The following SLC15A4 variants were observed in gnomAD, a reference collection of about 807,000 sequenced individuals.
SLC15A4 encodes solute carrier family 15 member 4.
SLC15A4 carries 26 observed loss-of-function variants against 46.1 expected under a neutral mutation model. The observed-to-expected ratio is 0.56, with a 90% CI of 0.41 to 0.78. The LOEUF (loss-of-function observed/expected upper bound fraction) is 0.78. Among genes scored for constraint, SLC15A4 ranks in the 30% least tolerant of loss-of-function variants. SLC15A4 has a pLI of 0.00. For missense variants in SLC15A4, 751 were observed against 755.7 expected (o/e 0.99, Z 0.07); for synonymous variants, 370 against 333.4 (o/e 1.11, Z -1.20).
intron 5 of SLC15A4, among the ~76,000 whole-genome samples, chr12:128,807,185 G>A (rs1955599814): frequency 6.6e-6 from 1 of 152,094 alleles, no homozygotes; most frequent in Non-Finnish European, 1.5e-5. Context: ...ACAGGTGTGA[G>A]CCACCGTGCC....
intron 2 of SLC15A4, among the ~76,000 whole-genome samples, chr12:128,810,616 G>A (rs1955644654): frequency 6.6e-6 from 1 of 152,124 alleles, no homozygotes; most frequent in South Asian, 2.1e-4. Flanking sequence ...TTTAAACTGA[G>A]TCACTGGCAG....
rs534797821 is a variant in SLC15A4, at chr12:128,803,421, T to C, written c.1259-2412A>G. Among the ~76,000 whole-genome samples, 343 of 152,212 alleles carry C rather than the reference T, an allele frequency of 2.3e-3. 1 individual carries two copies. Among genetic ancestry groups the C allele is most frequent in the Admixed American group, 4.6e-3 (70 of 15,282 alleles). ...TGTTGATGGATTCACAGACAGCACC[T>C]CATTTATTATTCACAGTAAGCTGGG... On this transcript the variant is annotated intron_variant, in intron 5 of 7. Coordinates refer to ENST00000266771, the MANE Select transcript of SLC15A4 (RefSeq NM_145648.4).
intron 1 of SLC15A4, among the ~76,000 whole-genome samples, chr12:128,817,641 T>C (rs1352482186): frequency 2.0e-5 from 3 of 152,240 alleles, no homozygotes; most frequent in African/African-American, 7.2e-5. Context: ...AATATCAGCA[T>C]TTGATTACTC....
At chr12:128,794,686 G>T (rs1014281921) in intron 7 of SLC15A4, among the ~76,000 whole-genome samples, 16 of 152,298 alleles carry the variant, frequency 1.1e-4, no homozygotes, top group African/African-American at 3.8e-4. Context: ...CAGTACTCAG[G>T]AAAATCCCTG....
At position 128,800,958 on chromosome 12, in the gene SLC15A4, T is replaced by C. The variant is rs145999614; in HGVS notation, c.1310A>G (p.Gln437Arg). The change falls in exon 6 of 8, where the codon CAG becomes CGG. Residue 437 changes from glutamine (Q) to arginine (R), a missense_variant. Coordinates refer to ENST00000266771, the MANE Select transcript of SLC15A4 (RefSeq NM_145648.4). ...ATGGTAGACGACGTTGCCGATGGTCTGATTAATGGTTTTCTCTTTAACAAG... is the reference window on the plus strand; with the variant it reads ...ATGGTAGACGACGTTGCCGATGGTCCGATTAATGGTTTTCTCTTTAACAAG... ...LNLVKEKTINQTIGNVVYHAA... is the reference protein window; with the variant it reads ...LNLVKEKTINRTIGNVVYHAA... 5.6e-6 allele frequency: 9 copies of C among 1,613,940 alleles called. No individual in the cohort carries two copies. The highest frequency in any genetic ancestry group is 7.6e-6 in the Non-Finnish European group (9 of 1,180,016).
intron 1 of SLC15A4, among the ~76,000 whole-genome samples, chr12:128,821,090 C>T (rs988207789): frequency 6.6e-6 from 1 of 152,216 alleles, no homozygotes; most frequent in Non-Finnish European, 1.5e-5. Flanking sequence ...CTCAGCAGTG[C>T]AGATGCTGGC....
At position 128,796,458 on chromosome 12, in the gene SLC15A4, A is replaced by AAAAAAAAAAC. The variant is rs1176888407; in HGVS notation, c.1574-2103_1574-2102insGTTTTTTTTT. ...AAAAAAAAAAAAAAAAAAAAAAAAA[A>AAAAAAAAAAC]CCCACACATCTGTATGGTGAGATCT... On this transcript the variant is annotated intron_variant, in intron 7 of 7. Transcript: ENST00000266771. 5.8e-5 allele frequency among the ~76,000 whole-genome samples: 2 copies of AAAAAAAAAAC among 34,664 alleles called. 1 individual carries two copies. Among genetic ancestry groups the AAAAAAAAAAC allele is most frequent in the Admixed American group, 4.9e-4 (2 of 4,096 alleles). 22.7% of individuals were successfully genotyped at this position (34,664 alleles called of 152,430 possible).
chr12:128,816,697 T>C (rs1381032502), intron 1 of SLC15A4, among the ~76,000 whole-genome samples: 1 of 151,918 alleles, frequency 6.6e-6, no homozygotes, highest in Non-Finnish European at 1.5e-5. Context: ...CCAGGTGCGG[T>C]GGTGTGCGCC....
chr12:128,799,422 G>C lies in SLC15A4; in HGVS notation c.1415-5C>G. ...CTGAGTATGCAAATTCCAGGCCTGA[G>C]GAAAGAAAAGGGAGGGTCGTTTTTG... On this transcript the variant is annotated splice_polypyrimidine_tract_variant and splice_region_variant and intron_variant, in intron 6 of 7. Coordinates refer to ENST00000266771, the MANE Select transcript of SLC15A4 (RefSeq NM_145648.4). The C allele has an allele frequency of 1.2e-6, 2 of 1,613,946 alleles. No homozygotes were observed. Among genetic ancestry groups the C allele is most frequent in the South Asian group, 2.2e-5 (2 of 91,060 alleles).
At position 128,823,935 on chromosome 12, in the gene SLC15A4, G is replaced by T; in HGVS notation, c.9C>A (p.Gly3=). ...CCCGCTCGCCCGCACCGCCCCCAGAGCCCTCCATGCGACGCCGCCAGCTGC... is the reference window on the plus strand; with the variant it reads ...CCCGCTCGCCCGCACCGCCCCCAGATCCCTCCATGCGACGCCGCCAGCTGC... ME[G]SGGGAGERAP... The change falls in exon 1 of 8, where the codon GGC becomes GGA. Residue 3 remains glycine, a synonymous_variant. Transcript: ENST00000266771. The T allele has an allele frequency of 1.6e-6, 1 of 610,614 alleles. No homozygotes were observed. Among genetic ancestry groups the T allele is most frequent in the Non-Finnish European group, 2.0e-6 (1 of 489,456 alleles). The allele number at this position is 610,614 out of a possible 1,614,324, so 37.8% of individuals were successfully genotyped here.
chr12:128,800,996 A>G lies in SLC15A4; in HGVS notation c.1272T>C (p.Ser424=). 1 of 1,604,410 alleles carries G rather than the reference A, an allele frequency of 6.2e-7. No individual in the cohort carries two copies. The highest frequency in any genetic ancestry group is 8.5e-7 in the Non-Finnish European group (1 of 1,176,426). ...TCTCTTTAACAAGGTTCAGCCTTTTACTCTCCAAAATTCCTAGAATTCAAA... is the reference window on the plus strand; with the variant it reads ...TCTCTTTAACAAGGTTCAGCCTTTTGCTCTCCAAAATTCCTAGAATTCAAA... ...CSAFAAGILE[S]KRLNLVKEKT... The change falls in exon 6 of 8, where the codon AGT becomes AGC. Residue 424 remains serine, a synonymous_variant. Transcript: ENST00000266771.
intron 6 of SLC15A4, among the ~76,000 whole-genome samples, chr12:128,800,357 T>G (rs1432793599): frequency 1.3e-5 from 2 of 152,216 alleles, no homozygotes; most frequent in African/African-American, 4.8e-5. Context: ...ATCACTCATC[T>G]TCTCTTCTCT....
intron 5 of SLC15A4, among the ~76,000 whole-genome samples, chr12:128,807,858 C>A (rs1955608737): frequency 6.6e-6 from 1 of 152,218 alleles, no homozygotes; most frequent in South Asian, 2.1e-4. Context: ...ACAGAGATTT[C>A]TTAAGCCCAG....
chr12:128,823,644 C>A lies in SLC15A4; in HGVS notation c.300G>T (p.Leu100=). 1 of 1,488,520 alleles carries A rather than the reference C, an allele frequency of 6.7e-7. No individual in the cohort carries two copies. The highest frequency in any genetic ancestry group is 2.2e-5 in the Admixed American group (1 of 45,758). The allele number at this position is 1,488,520 out of a possible 1,614,324, so 92.2% of individuals were successfully genotyped here. Residue 100 remains leucine, a synonymous_variant, in exon 1 of 8, where the codon CTG becomes CTT. Transcript: ENST00000266771. ...TCAGCAGGATGGCGCGCGCCCGGCC[C>A]AGCCGCGCGTCGGCCAGCCAGCCTC... ...PFGGWLADAR[L]GRARAILLSL...
At chr12:128,805,147 A>AC (rs574422729) in intron 5 of SLC15A4, among the ~76,000 whole-genome samples, 71 of 151,502 alleles carry the variant, frequency 4.7e-4, no homozygotes, top group South Asian at 1.3e-3. Flanking sequence ...ATCCTTGGAT[A>AC]CCCCCCCCAA....
At chr12:128,809,496 T>C in intron 3 of SLC15A4, 23 bp from the exon 4 acceptor site, 2 of 1,510,836 alleles carry the variant, frequency 1.3e-6, no homozygotes, top group Non-Finnish European at 1.8e-6. Flanking sequence ...AACAGTATCA[T>C]TATATGTGGA....
In SLC15A4 at chr12:128,823,376, AGC is replaced by A; in HGVS notation, c.546+20_546+21del. 5.8e-6 allele frequency: 8 copies of A among 1,389,310 alleles called. No homozygotes were observed. The highest frequency in any genetic ancestry group is 1.6e-5 in the South Asian group (1 of 62,780). 86.1% of individuals were successfully genotyped at this position (1,389,310 alleles called of 1,614,324 possible). On this transcript the variant is annotated intron_variant, in intron 1 of 7. Coordinates refer to ENST00000266771, the MANE Select transcript of SLC15A4 (RefSeq NM_145648.4). The stretch of plus-strand genomic sequence containing the variant: ...GCAGGGGCTGGACAGGGACAGGGAC[AGC>A]GCGCGGGGGCGCGGCTCACCTGGTC...
chr12:128,810,182 G>A, intron 2 of SLC15A4, 71 bp from the exon 3 acceptor site: 1 of 1,517,850 alleles, frequency 6.6e-7, no homozygotes, highest in Non-Finnish European at 9.0e-7. Flanking sequence ...CACAAATTAA[G>A]TTTGGAGGTA....
intron 6 of SLC15A4, among the ~76,000 whole-genome samples, chr12:128,800,003 G>A (rs903019431): frequency 2.0e-5 from 3 of 152,018 alleles, no homozygotes; most frequent in Admixed American, 1.3e-4. Context: ...CACCATGCCT[G>A]GCTAATTTTT....
Sources: gnomAD v4.1 joint callset for allele counts (sites outside exome capture counted in the v4.1 genomes callset) on GRCh38, gnomAD v4.1.1 for gene constraint, MANE v1.5 for transcripts, NCBI Gene and HGNC (gene_info 2026-07-23, HGNC 2026-07-21) for gene names.